Variants in ST7L observed in about 807,000 individuals in gnomAD.
The protein encoded by ST7L is suppressor of tumorigenicity 7 protein-like.
ST7L carries 57 observed loss-of-function variants against 72.5 expected under a neutral mutation model. The observed-to-expected ratio is 0.79, with a 90% confidence interval of 0.64 to 0.98. The LOEUF (loss-of-function observed/expected upper bound fraction) is 0.98, where lower values mean the gene tolerates loss of function less well. ST7L is among the 50% of genes least tolerant of loss of function. The pLI is 0.00. For missense variants in ST7L, 576 were observed against 672.2 expected (o/e 0.86, Z 1.58); for synonymous variants, 221 against 240.9 (o/e 0.92, Z 0.77).
At chr1:112,602,261 A>G (rs1667538060) in intron 3 of ST7L, among the ~76,000 whole-genome samples, 3 of 152,234 alleles carry the variant, frequency 2.0e-5, no homozygotes, top group Non-Finnish European at 4.4e-5. Flanking sequence ...AGTATGATTC[A>G]TGGAACTGCA....
At chr1:112,566,465 T>C (rs544441033) in intron 11 of ST7L, among the ~76,000 whole-genome samples, 4 of 151,784 alleles carry the variant, frequency 2.6e-5, no homozygotes, top group African/African-American at 9.7e-5. Context: ...GTCCAGCTAA[T>C]TTTTTGTATT....
chr1:112,615,220 T>G (rs1478981153), intron 2 of ST7L, among the ~76,000 whole-genome samples: 1 of 152,076 alleles, frequency 6.6e-6, no homozygotes, highest in East Asian at 1.9e-4. Context: ...GGTCTCGAAC[T>G]CTATCACCCC....
At chr1:112,551,350 G>A (rs949582417) in intron 12 of ST7L, among the ~76,000 whole-genome samples, 3 of 151,612 alleles carry the variant, frequency 2.0e-5, no homozygotes, top group African/African-American at 4.8e-5. Context: ...GGGTTTCACC[G>A]TGTTAGCCAG....
intron 12 of ST7L, among the ~76,000 whole-genome samples, chr1:112,552,724 TAAG>T (rs1471895740): frequency 6.6e-6 from 1 of 152,070 alleles, no homozygotes; most frequent in Non-Finnish European, 1.5e-5. Flanking sequence ...TTTACCACAA[TAAG>T]AAGTAGTTAT....
chr1:112,610,502 G>C (rs767991277), intron 3 of ST7L: 17 of 238,284 alleles, frequency 7.1e-5, no homozygotes, highest in Non-Finnish European at 1.4e-4. Context: ...TGGAGGCTGG[G>C]AAGTCTATGA....
rs1416026007 is a variant in ST7L, at chr1:112,618,021, T to A, written c.205+888A>T. 12 of 1,303,950 alleles carry A rather than the reference T, an allele frequency of 9.2e-6. No individual in the cohort carries two copies. The Admixed American group carries it at 2.5e-4, about 27-fold the overall frequency. 80.8% of individuals were successfully genotyped at this position (1,303,950 alleles called of 1,614,324 possible). A position where few individuals can be genotyped will look rare whatever the true frequency, so the allele number is the denominator to read the frequency against. ...CATTAACTCACAGTCTTTCATGTCA[T>A]CTCTGAACAGGAAAGGGGACATTTG... On this transcript the variant is annotated intron_variant, in intron 1 of 14. Coordinates refer to ENST00000358039, the MANE Select transcript of ST7L (RefSeq NM_017744.5).
At chr1:112,570,772 C>T in intron 11 of ST7L, 1 of 456,106 alleles carries the variant, frequency 2.2e-6, no homozygotes, top group Non-Finnish European at 4.4e-6. Flanking sequence ...GCAAAAACAG[C>T]CAGTCACAAA....
rs1286035560 is a variant in ST7L, at chr1:112,553,413, A to G, written c.1396+2455T>C. 3.3e-5 allele frequency among the ~76,000 whole-genome samples: 5 copies of G among 152,182 alleles called. No homozygotes were observed. The East Asian group carries it at 9.6e-4, about 29-fold the overall frequency. Reference sequence around the variant, plus strand: ...TTATTTACATTGTCATTGTCAAGCCACAGTGTCTGGCTTTTAGCAAATGGT... The same window carrying G: ...TTATTTACATTGTCATTGTCAAGCCGCAGTGTCTGGCTTTTAGCAAATGGT... On this transcript the variant is annotated intron_variant, in intron 12 of 14. Coordinates refer to ENST00000358039, the MANE Select transcript of ST7L (RefSeq NM_017744.5).
rs1653188536 is a variant in ST7L at position 112,525,042 on chromosome 1, AAGAATT to A, written c.*965_*970del. The stretch of plus-strand genomic sequence containing the variant: ...GCATGGTGAGGAGAGATCAGTGGTG[AAGAATT>A]ACCATCAAAGCAGAGTGGCTGAGAC... On this transcript the variant is annotated 3_prime_UTR_variant, in exon 15 of 15. Coordinates refer to ENST00000358039, the MANE Select transcript of ST7L (RefSeq NM_017744.5). The A allele has an allele frequency of 6.6e-6, 1 of 152,218 alleles. No homozygotes were observed. Among genetic ancestry groups the A allele is most frequent in the South Asian group, 2.1e-4 (1 of 4,832 alleles). The allele number at this position is 152,218 out of a possible 1,614,324, so 9.4% of individuals were successfully genotyped here.
At chr1:112,557,854 A>G (rs768286753) in intron 11 of ST7L, among the ~76,000 whole-genome samples, 18 of 152,224 alleles carry the variant, frequency 1.2e-4, no homozygotes, top group Non-Finnish European at 2.1e-4. Context: ...TAAAGAAGTT[A>G]TAGTTTTCTC....
chr1:112,584,234 A>C (rs777371252), intron 6 of ST7L, 108 bp from the exon 7 acceptor site: 119 of 1,155,042 alleles, frequency 1.0e-4, no homozygotes, highest in Non-Finnish European at 1.3e-4. Context: ...CACTTTTTCC[A>C]TCTTTAGAAA....
At chr1:112,534,694 G>A (rs561834173) in intron 14 of ST7L, among the ~76,000 whole-genome samples, 104 of 152,116 alleles carry the variant, frequency 6.8e-4, no homozygotes, top group Non-Finnish European at 1.3e-3. Flanking sequence ...GGGTCTGCAA[G>A]ATAGAGATGT....
chr1:112,599,089 T>A (rs1247371769), intron 4 of ST7L, among the ~76,000 whole-genome samples: 1,649 of 69,672 alleles, frequency 0.024, 155 homozygotes, highest in African/African-American at 0.07. Context: ...TATATATATA[T>A]ATATATATAT....
chr1:112,613,649 T>G (rs1669407972), intron 2 of ST7L, among the ~76,000 whole-genome samples: 2 of 152,240 alleles, frequency 1.3e-5, no homozygotes, highest in Admixed American at 6.5e-5. Context: ...ACCTTTAAAA[T>G]GTTACTTGAA....
chr1:112,611,571 T>C (rs1669064419), intron 2 of ST7L, among the ~76,000 whole-genome samples: 1 of 152,228 alleles, frequency 6.6e-6, no homozygotes, highest in Admixed American at 6.5e-5. Flanking sequence ...TAAGGTCAAG[T>C]TGATTCCCAT....
chr1:112,604,106 G>A (rs1261855220), intron 3 of ST7L, among the ~76,000 whole-genome samples: 1 of 152,102 alleles, frequency 6.6e-6, no homozygotes, highest in African/African-American at 2.4e-5. Context: ...TCATGAGTTT[G>A]AGACCAGCCT....
At chr1:112,606,909 A>C (rs192820721) in intron 3 of ST7L, among the ~76,000 whole-genome samples, 1,716 of 152,170 alleles carry the variant, frequency 0.011, 14 homozygotes, top group Non-Finnish European at 0.018. Context: ...TCTCCTAAAA[A>C]CCCTAGCTCC....
chr1:112,583,835 T>A, intron 7 of ST7L, 137 bp downstream of exon 7: 1 of 958,634 alleles, frequency 1.0e-6, no homozygotes, highest in Non-Finnish European at 1.5e-6. Context: ...CTTGTAGGTA[T>A]TGTGAATAGA....
At chr1:112,565,833 T>C (rs1209787390) in intron 11 of ST7L, among the ~76,000 whole-genome samples, 3 of 151,964 alleles carry the variant, frequency 2.0e-5, no homozygotes, top group Admixed American at 6.6e-5. Flanking sequence ...CCTGGACAAA[T>C]GGCAAAACCC....
Sources: gnomAD v4.1 joint callset for allele counts (sites outside exome capture counted in the v4.1 genomes callset) on GRCh38, gnomAD v4.1.1 for gene constraint, MANE v1.5 for transcripts, NCBI Gene and HGNC (gene_info 2026-07-23, HGNC 2026-07-21) for gene names.